Variants in NAALADL2 observed in about 807,000 individuals in gnomAD.
NAALADL2 encodes inactive N-acetylated-alpha-linked acidic dipeptidase-like protein 2.
In NAALADL2, 76 loss-of-function variants were observed where a neutral mutation model predicts 87.2. The ratio of observed to expected loss-of-function variants is 0.87; its 90% CI spans 0.72 to 1.05. The LOEUF (loss-of-function observed/expected upper bound fraction) is 1.05. Among genes scored for constraint, NAALADL2 ranks in the 50% least tolerant of loss-of-function variants. The pLI is 0.00. For missense variants in NAALADL2, 1,089 were observed against 945.8 expected (o/e 1.15, Z -1.99); for synonymous variants, 354 against 331.0 (o/e 1.07, Z -0.75).
At chr3:174,448,607 A>T (rs372220656) in intron 1 of NAALADL2, among the ~76,000 whole-genome samples, 1 of 152,184 alleles carries the variant, frequency 6.6e-6, no homozygotes, top group Admixed American at 6.5e-5. Context: ...CAGAAAGCCA[A>T]TCAATGAGAT....
In NAALADL2 at chr3:174,445,082, G is replaced by A. The variant is rs115129757; in HGVS notation, c.-184+4050G>A. On this transcript the variant is annotated intron_variant, in intron 1 of 3. Coordinates refer to the NAALADL2 transcript ENST00000434257. Reference sequence around the variant, plus strand: ...TTCTTACTATAAAACAGGGTTCTGCGTAAAGTCTTGGCAGGGGATGGTGAT... The same window carrying A: ...TTCTTACTATAAAACAGGGTTCTGCATAAAGTCTTGGCAGGGGATGGTGAT... Among the ~76,000 whole-genome samples the A allele has an allele frequency of 7.0e-4, 106 of 151,246 alleles. 1 individual carries two copies. The highest frequency in any genetic ancestry group is 2.5e-3 in the African/African-American group (101 of 41,200).
At chr3:174,902,874 G>A (rs1470349686) in intron 1 of NAALADL2, among the ~76,000 whole-genome samples, 1 of 152,080 alleles carries the variant, frequency 6.6e-6, no homozygotes, top group African/African-American at 2.4e-5. Context: ...TTTGAAAGAG[G>A]TTAGCACATA....
intron 1 of NAALADL2, among the ~76,000 whole-genome samples, chr3:174,877,861 C>T (rs1728698658): frequency 6.6e-6 from 1 of 152,016 alleles, no homozygotes; most frequent in Non-Finnish European, 1.5e-5. Flanking sequence ...TAGAAACTCA[C>T]TATCATAAGA....
At chr3:174,869,038 T>A (rs1420657992) in intron 1 of NAALADL2, among the ~76,000 whole-genome samples, 1 of 152,024 alleles carries the variant, frequency 6.6e-6, no homozygotes, top group Non-Finnish European at 1.5e-5. Flanking sequence ...AAGATAAAGA[T>A]GACGGAGTTT....
chr3:175,776,882 C>T (rs1463621421), intron 13 of NAALADL2, among the ~76,000 whole-genome samples: 1 of 151,938 alleles, frequency 6.6e-6, no homozygotes, highest in Non-Finnish European at 1.5e-5. Flanking sequence ...TCAGAAAATA[C>T]CTGCTGGTTC....
intron 1 of NAALADL2, among the ~76,000 whole-genome samples, chr3:175,002,143 T>C (rs778110873): frequency 2.6e-5 from 4 of 152,158 alleles, no homozygotes; most frequent in Non-Finnish European, 5.9e-5. Flanking sequence ...AGGTACTTTT[T>C]TTTGTTATTG....
intron 9 of NAALADL2, among the ~76,000 whole-genome samples, chr3:175,532,520 T>C (rs1362134375): frequency 6.6e-6 from 1 of 152,234 alleles, no homozygotes; most frequent in Non-Finnish European, 1.5e-5. Flanking sequence ...AATTAGTCTT[T>C]TGTCCATTCG....
At position 174,566,466 on chromosome 3, in the gene NAALADL2, G is replaced by C. The variant is rs1276184853; in HGVS notation, c.-115+15829G>C. On this transcript the variant is annotated intron_variant, in intron 2 of 3. Coordinates refer to the NAALADL2 transcript ENST00000434257. ...TCCTCTTTTTACCTGGTTATCTGCA[G>C]TTTTACCATGATGTGCCTAAGCATG... Among the ~76,000 whole-genome samples, 5 of 151,700 alleles carry C rather than the reference G, an allele frequency of 3.3e-5. No homozygotes were observed. The East Asian group carries it at 9.7e-4, about 29-fold the overall frequency.
chr3:175,423,028 A>AAAAAAAATATATATAT (rs1438736874), intron 5 of NAALADL2, among the ~76,000 whole-genome samples: 13 of 111,288 alleles, frequency 1.2e-4, no homozygotes, highest in South Asian at 5.4e-4. Context: ...GAAAAAAAAA[A>AAAAAAAATATATATAT]ATATATATAT....
At chr3:175,718,657 G>C (rs1741745655) in intron 11 of NAALADL2, 2 of 1,578,904 alleles carry the variant, frequency 1.3e-6, no homozygotes, top group Non-Finnish European at 8.7e-7. Context: ...CCGAGCCCGT[G>C]GTGGCTGCCA....
At chr3:174,898,767 A>T (rs1480512446) in intron 1 of NAALADL2, among the ~76,000 whole-genome samples, 1 of 149,056 alleles carries the variant, frequency 6.7e-6, no homozygotes, top group Non-Finnish European at 1.5e-5. Flanking sequence ...ATAATTAGAT[A>T]AAACTAAACT....
At chr3:174,858,665 A>G (rs542231447), upstream of NAALADL2, among the ~76,000 whole-genome samples, 1 of 152,202 alleles carries the variant, frequency 6.6e-6, no homozygotes, top group Non-Finnish European at 1.5e-5. Context: ...CAGAAGAACA[A>G]GAGGGAGAGA....
intron 1 of NAALADL2, among the ~76,000 whole-genome samples, chr3:175,004,870 C>CAAA (rs11386928): frequency 1.4e-5 from 2 of 143,882 alleles, no homozygotes; most frequent in African/African-American, 5.0e-5. Flanking sequence ...ATTCCAAAAT[C>CAAA]AAAAAAAAAA....
intron 1 of NAALADL2, among the ~76,000 whole-genome samples, chr3:174,977,437 C>T (rs893706319): frequency 1.3e-5 from 2 of 152,134 alleles, no homozygotes; most frequent in African/African-American, 4.8e-5. Context: ...GATGTGTAAC[C>T]TTTTTAAAGT....
intron 9 of NAALADL2, among the ~76,000 whole-genome samples, chr3:175,553,929 G>T (rs1277570551): frequency 6.6e-6 from 1 of 152,074 alleles, no homozygotes. Flanking sequence ...AAGGAGTCAG[G>T]TGATATACAG....
At chr3:175,410,529 C>G (rs80344516) in intron 5 of NAALADL2, among the ~76,000 whole-genome samples, 2,742 of 152,134 alleles carry the variant, frequency 0.018, 87 homozygotes, top group African/African-American at 0.063. Flanking sequence ...GCCAGGCATT[C>G]TGTTAAAGCA....
At position 174,797,455 on chromosome 3, in the gene NAALADL2, C is replaced by T. The variant is rs148738908; in HGVS notation, c.-9+59709C>T. On this transcript the variant is annotated intron_variant, in intron 3 of 3. Transcript: ENST00000434257. The stretch of plus-strand genomic sequence containing the variant: ...GCCTCCAGAGTAGTGGAATTGCAGG[C>T]GCCTTCCACCACGCCTGGCTAATTT... Among the ~76,000 whole-genome samples, 1,384 of 151,286 alleles carry T rather than the reference C, an allele frequency of 9.1e-3. 7 individuals carry two copies. The highest frequency in any genetic ancestry group is 0.014 in the Non-Finnish European group (938 of 67,790).
At chr3:175,634,098 T>C (rs1728182700) in intron 11 of NAALADL2, among the ~76,000 whole-genome samples, 1 of 151,822 alleles carries the variant, frequency 6.6e-6, no homozygotes, top group African/African-American at 2.4e-5. Flanking sequence ...TAGCTATACA[T>C]TTTAACTCAG....
chr3:174,833,354 CATAAAG>C (rs796906041), intron 3 of NAALADL2, among the ~76,000 whole-genome samples: 109 of 152,142 alleles, frequency 7.2e-4, no homozygotes, highest in African/African-American at 2.5e-3. Flanking sequence ...AATACTGACT[CATAAAG>C]AGAAAGAAAA....
Sources: gnomAD v4.1 joint callset for allele counts (sites outside exome capture counted in the v4.1 genomes callset) on GRCh38, gnomAD v4.1.1 for gene constraint, MANE v1.5 for transcripts, NCBI Gene and HGNC (gene_info 2026-07-23, HGNC 2026-07-21) for gene names.